The following BCL2L13 variants were observed in gnomAD, a reference collection of about 807,000 sequenced individuals.
BCL2L13 encodes the protein bcl-2-like protein 13.
In BCL2L13, 13 loss-of-function variants were observed where a neutral mutation model predicts 25.8. The ratio of observed to expected loss-of-function variants is 0.50; its 90% CI spans 0.33 to 0.80. BCL2L13 has a LOEUF of 0.80. Ranked by LOEUF, BCL2L13 falls within the 30% of genes least tolerant of loss-of-function variation. The pLI is 0.02. For synonymous variants in BCL2L13, 244 were observed against 230.3 expected, an observed-to-expected ratio of 1.06 and a Z score of -0.54; for missense variants, 504 against 574.9, an observed-to-expected ratio of 0.88 and a Z score of 1.26.
chr22:17,662,695 C>T (rs2059113242), intron 2 of BCL2L13, among the ~76,000 whole-genome samples: 2 of 151,486 alleles, frequency 1.3e-5, no homozygotes, highest in Admixed American at 1.3e-4. Context: ...AGTGCGCACC[C>T]ATAATCCCAG....
At position 17,729,080 on chromosome 22, in the gene BCL2L13, A is replaced by G. The variant is rs1245493747; in HGVS notation, c.*1546A>G. 1 of 152,226 alleles carries G rather than the reference A, an allele frequency of 6.6e-6. No homozygotes were observed. Among genetic ancestry groups the G allele is most frequent in the Non-Finnish European group, 1.5e-5 (1 of 68,040 alleles). 9.4% of individuals were successfully genotyped at this position (152,226 alleles called of 1,614,324 possible). A position where few individuals can be genotyped will look rare whatever the true frequency, so the allele number is the denominator to read the frequency against. On this transcript the variant is annotated 3_prime_UTR_variant, in exon 7 of 7. Coordinates refer to ENST00000317582, the MANE Select transcript of BCL2L13 (RefSeq NM_015367.4). ...TAGATTTATCTTAGTAAATGTAATA[A>G]ATTATTTTTTAGATCTTGAAATTTA...
chr22:17,719,845 A>AC (rs1261137386), intron 6 of BCL2L13, among the ~76,000 whole-genome samples: 5 of 142,774 alleles, frequency 3.5e-5, no homozygotes, highest in South Asian at 2.2e-4. Context: ...AAAAAAAAAA[A>AC]AAAAAGAATG....
At position 17,729,389 on chromosome 22, in the gene BCL2L13, A is replaced by ATT. The variant is rs2061366785; in HGVS notation, c.*1861_*1862dup. On this transcript the variant is annotated 3_prime_UTR_variant, in exon 7 of 7. Transcript: ENST00000317582. The stretch of plus-strand genomic sequence containing the variant: ...GGGGAATGGGATTATTGAGGCAATG[A>ATT]TTTTTTTCTTCATGGGCTCTGATAG... 6.6e-6 allele frequency: 1 copy of ATT among 152,066 alleles called. No individual in the cohort carries two copies. The highest frequency in any genetic ancestry group is 2.4e-5 in the African/African-American group (1 of 41,438). 9.4% of individuals were successfully genotyped at this position (152,066 alleles called of 1,614,324 possible). A position where few individuals can be genotyped will look rare whatever the true frequency, so the allele number is the denominator to read the frequency against.
intron 5 of BCL2L13, among the ~76,000 whole-genome samples, chr22:17,698,268 C>G (rs1411018467): frequency 4.6e-5 from 7 of 152,042 alleles, no homozygotes; most frequent in Non-Finnish European, 8.8e-5. Flanking sequence ...GTGCCCACCA[C>G]TATGCCCAGC....
chr22:17,631,623 T>A (rs1253745338), intron 1 of BCL2L13, among the ~76,000 whole-genome samples: 1 of 140,442 alleles, frequency 7.1e-6, no homozygotes, highest in Non-Finnish European at 1.5e-5. Context: ...CTCAGCTCTT[T>A]GTCCTTTTAG....
intron 1 of BCL2L13, among the ~76,000 whole-genome samples, chr22:17,629,272 T>G (rs538092107): frequency 3.5e-4 from 54 of 152,234 alleles, no homozygotes; most frequent in South Asian, 6.2e-4. Context: ...GAATAAAGTG[T>G]AGGGTTTGTA....
intron 2 of BCL2L13, among the ~76,000 whole-genome samples, chr22:17,679,910 A>G (rs1347871839): frequency 6.6e-6 from 1 of 152,002 alleles, no homozygotes; most frequent in African/African-American, 2.4e-5. Flanking sequence ...TTTCCCAGAC[A>G]AGGCTATATT....
rs2061384912 is a variant in BCL2L13 at position 17,730,811 on chromosome 22, C to T, written c.*3277C>T. On this transcript the variant is annotated 3_prime_UTR_variant, in exon 7 of 7. Transcript: ENST00000317582. ...TAACATCTCAGCGACATACTGGATA[C>T]CAGAATAATGTTTCCTCTTCTCTGG... The T allele has an allele frequency of 6.6e-6, 1 of 152,010 alleles. No homozygotes were observed. Among genetic ancestry groups the T allele is most frequent in the South Asian group, 2.1e-4 (1 of 4,822 alleles). 9.4% of individuals were successfully genotyped at this position (152,010 alleles called of 1,614,324 possible).
At chr22:17,679,810 A>G (rs1384524979) in intron 2 of BCL2L13, among the ~76,000 whole-genome samples, 1 of 152,090 alleles carries the variant, frequency 6.6e-6, no homozygotes, top group Non-Finnish European at 1.5e-5. Context: ...CTCTGGATAC[A>G]AATGTTTTCT....
chr22:17,696,266 G>T (rs1430805338), intron 5 of BCL2L13, 56 bp downstream of exon 5: 2 of 1,386,754 alleles, frequency 1.4e-6, no homozygotes, highest in South Asian at 1.2e-5. Flanking sequence ...ATGATAAGAC[G>T]TAGGAGGAAT....
chr22:17,702,248 G>C lies in BCL2L13; in HGVS notation c.462G>C (p.Leu154Phe). 6.3e-7 allele frequency: 1 copy of C among 1,597,732 alleles called. No individual in the cohort carries two copies. The highest frequency in any genetic ancestry group is 8.5e-7 in the Non-Finnish European group (1 of 1,173,532). The stretch of plus-strand genomic sequence containing the variant: ...CTCTCATCTTTGCATTGAAGATTTT[G>C]GTGCCTCTGGTTTTGCTACGACAAA... ...TVHASGWNKI[L>F]VPLVLLRQML... The change falls in exon 6 of 7, where the codon TTG becomes TTC. Residue 154 changes from leucine (L) to phenylalanine (F), a missense_variant. By Grantham distance (22) the Leu-to-Phe change is conservative (BLOSUM62 0). Transcript: ENST00000317582.
chr22:17,628,883 C>G (rs1344780677), upstream of BCL2L13: 2 of 573,888 alleles, frequency 3.5e-6, no homozygotes, highest in Non-Finnish European at 6.3e-6. Flanking sequence ...GGTCCTTCTA[C>G]GTCGCTGACT....
At chr22:17,629,206 GA>G (rs375545815) in intron 1 of BCL2L13, among the ~76,000 whole-genome samples, 73 of 143,940 alleles carry the variant, frequency 5.1e-4, no homozygotes, top group South Asian at 1.5e-3. Context: ...TCTACCAAAA[GA>G]AAAAAAAAAG....
At chr22:17,636,558 G>A (rs2058110188), upstream of BCL2L13, among the ~76,000 whole-genome samples, 1 of 152,014 alleles carries the variant, frequency 6.6e-6, no homozygotes, top group Admixed American at 6.6e-5. Context: ...GGGAGGCCGA[G>A]AGGGGTGATC....
At chr22:17,654,871 C>G (rs942055070) in intron 1 of BCL2L13, among the ~76,000 whole-genome samples, 1 of 151,746 alleles carries the variant, frequency 6.6e-6, no homozygotes, top group Non-Finnish European at 1.5e-5. Flanking sequence ...ATAGGCAGGC[C>G]CTACCACGCC....
chr22:17,664,194 C>T lies in BCL2L13; in HGVS notation c.121+8362C>T, dbSNP rs371402893. Among the ~76,000 whole-genome samples the T allele has an allele frequency of 2.4e-4, 37 of 151,204 alleles. 1 individual carries two copies. The highest frequency in any genetic ancestry group is 7.3e-4 in the African/African-American group (30 of 41,194). ...GAGTTGGGGGTTTCACCATCTTGGC[C>T]GGCTGGTCTCGAACTCCTGACCTCA... is the stretch of plus-strand genomic sequence containing the variant. On this transcript the variant is annotated intron_variant, in intron 2 of 6. Coordinates refer to ENST00000317582, the MANE Select transcript of BCL2L13 (RefSeq NM_015367.4).
At chr22:17,649,166 C>T (rs1165455043) in intron 1 of BCL2L13, among the ~76,000 whole-genome samples, 13 of 151,686 alleles carry the variant, frequency 8.6e-5, no homozygotes, top group South Asian at 2.1e-4. Flanking sequence ...GGTATGATTT[C>T]GGCTCACTGC....
chr22:17,653,022 G>A (rs935003273), intron 1 of BCL2L13, among the ~76,000 whole-genome samples: 4 of 151,906 alleles, frequency 2.6e-5, no homozygotes, highest in Non-Finnish European at 4.4e-5. Flanking sequence ...CCGAGATCGC[G>A]CCACTGCACT....
intron 2 of BCL2L13, among the ~76,000 whole-genome samples, chr22:17,663,155 G>A (rs2059126791): frequency 1.3e-5 from 2 of 152,156 alleles, no homozygotes; most frequent in South Asian, 2.1e-4. Flanking sequence ...ACAGGCGTGA[G>A]GTATTGCATC....
Sources: allele counts gnomAD v4.1 joint callset (sites outside exome capture counted in the v4.1 genomes callset), GRCh38; gene constraint gnomAD v4.1.1; transcripts MANE v1.5; gene names NCBI Gene and HGNC (gene_info 2026-07-23, HGNC 2026-07-21).